The following TRIM66 variants were observed in gnomAD, a reference collection of about 807,000 sequenced individuals.
The protein encoded by TRIM66 is tripartite motif-containing protein 66.
A neutral mutation model predicts 148.2 loss-of-function variants in TRIM66; 99 were observed. The ratio of observed to expected loss-of-function variants is 0.67; its 90% confidence interval spans 0.57 to 0.79. TRIM66 has a LOEUF of 0.79. Ranked by LOEUF, TRIM66 falls within the 30% of genes least tolerant of loss-of-function variation. The pLI is 0.00. For synonymous variants in TRIM66, 616 were observed against 635.9 expected (o/e 0.97, Z 0.47); for missense variants, 1,666 against 1,697.9 (o/e 0.98, Z 0.33).
chr11:8,654,420 T>G (rs186703261), intron 6 of TRIM66: 89 of 152,364 alleles, frequency 5.8e-4, no homozygotes, highest in African/African-American at 2.1e-3. Context: ...AAACTCCTAT[T>G]CATCCTTTCA....
At chr11:8,682,842 C>G (rs957798008), upstream of TRIM66, 2 of 1,608,852 alleles carry the variant, frequency 1.2e-6, no homozygotes, top group South Asian at 1.1e-5. Flanking sequence ...CTTGCCTCCT[C>G]TTCCTTGCCG....
At position 8,680,080 on chromosome 11, in the gene TRIM66, T is replaced by C. The variant is rs1002590570; in HGVS notation, c.-547-17A>G. ...TGAAGTGTTCTGGGAAGAAGCAGAA[T>C]ATAAAGTTGGCCTTAAAGGTTGAGG... On this transcript the variant is annotated splice_polypyrimidine_tract_variant and intron_variant, in intron 1 of 24. Transcript: ENST00000646038. The C allele has an allele frequency of 6.6e-6, 1 of 152,344 alleles. No homozygotes were observed. Among genetic ancestry groups the C allele is most frequent in the Non-Finnish European group, 1.5e-5 (1 of 68,062 alleles). 9.4% of individuals were successfully genotyped at this position (152,344 alleles called of 1,614,324 possible). A position where few individuals can be genotyped will look rare whatever the true frequency, so the allele number is the denominator to read the frequency against.
In TRIM66 at chr11:8,672,171, C is replaced by T; in HGVS notation, c.28-73G>A. ...AAAAATCTTAGGCCAGAGGGGCCTT[C>T]GAGAACAAGGCCTCAAAAGTCCAGG... On this transcript the variant is annotated intron_variant, in intron 5 of 24. Transcript: ENST00000646038. The T allele has an allele frequency of 3.3e-6, 5 of 1,531,864 alleles. No homozygotes were observed. In the South Asian group the frequency reaches 4.8e-5, roughly 15 times the overall value. 94.9% of individuals were successfully genotyped at this position (1,531,864 alleles called of 1,614,324 possible).
intron 10 of TRIM66, among the ~76,000 whole-genome samples, chr11:8,647,153 G>T (rs1465153441): frequency 6.6e-6 from 1 of 150,870 alleles, no homozygotes; most frequent in Non-Finnish European, 1.5e-5. Context: ...TCTTTTTGGG[G>T]GGATGAAAAT....
chr11:8,677,180 A>G (rs1038260060), intron 3 of TRIM66, among the ~76,000 whole-genome samples: 1 of 152,198 alleles, frequency 6.6e-6, no homozygotes, highest in Non-Finnish European at 1.5e-5. Flanking sequence ...CACTCATTTT[A>G]GGGAGAAAAT....
intron 8 of TRIM66, among the ~76,000 whole-genome samples, chr11:8,649,342 AAAAAAT>A (rs533203211): frequency 3.9e-5 from 6 of 152,192 alleles, no homozygotes; most frequent in Non-Finnish European, 7.4e-5. Context: ...CCATCTCAAA[AAAAAAT>A]AAAAATAAAA....
At chr11:8,678,700 G>A (rs2039292006) in intron 3 of TRIM66, among the ~76,000 whole-genome samples, 1 of 152,164 alleles carries the variant, frequency 6.6e-6, no homozygotes, top group Admixed American at 6.5e-5. Context: ...ACTTAAAAAA[G>A]AAAACGAACA....
At position 8,643,129 on chromosome 11, in the gene TRIM66, GACAACAGC is replaced by G; in HGVS notation, c.1105-11_1105-4del. 1 of 1,549,990 alleles carries G rather than the reference GACAACAGC, an allele frequency of 6.5e-7. No individual in the cohort carries two copies. The highest frequency in any genetic ancestry group is 1.2e-5 in the South Asian group (1 of 83,848). On this transcript the variant is annotated splice_region_variant and splice_polypyrimidine_tract_variant and intron_variant, in intron 12 of 24. Transcript: ENST00000646038. ...AATCGCTGCATCTGAAACACAATCT[GACAACAGC>G]ACCAAAGGTCATTTATTTGGGCATC...
At chr11:8,668,743 GC>G (rs1565571229) in intron 6 of TRIM66, among the ~76,000 whole-genome samples, 1 of 151,944 alleles carries the variant, frequency 6.6e-6, no homozygotes, top group Non-Finnish European at 1.5e-5. Context: ...ACGCTGCCAC[GC>G]CCAGCCAACT....
chr11:8,618,029 T>G, intron 24 of TRIM66, 26 bp from the exon 25 acceptor site: 1 of 1,543,120 alleles, frequency 6.5e-7, no homozygotes, highest in Non-Finnish European at 8.8e-7. Context: ...ATATTTGGAA[T>G]TAAAATAGCC....
chr11:8,646,540 CT>C lies in TRIM66; in HGVS notation c.863del (p.Gln288ArgfsTer16). 1 of 1,551,876 alleles carries C rather than the reference CT, an allele frequency of 6.4e-7. No homozygotes were observed. The highest frequency in any genetic ancestry group is 8.7e-7 in the Non-Finnish European group (1 of 1,147,022). Reference sequence around the variant, plus strand: ...TGATCTGGTTTTCCACCTTCCTATGCTGATGCTTCACTTCAAAAATCCTGTA... The same window carrying C: ...TGATCTGGTTTTCCACCTTCCTATGCGATGCTTCACTTCAAAAATCCTGTA... Reference protein sequence around the residue: ...IEDRIFEVKHQHRKVENQIKM... With the variant: ...IEDRIFEVKHXHRKVENQIKM... On this transcript the variant is annotated frameshift_variant, in exon 11 of 25. Coordinates refer to ENST00000646038, the MANE Select transcript of TRIM66 (RefSeq NM_001388022.1). LOFTEE classifies it high-confidence loss of function.
Position 8,624,961 on chromosome 11 carries a change from G to C in TRIM66, c.2578C>G (p.Pro860Ala). The C allele has an allele frequency of 6.4e-7, 1 of 1,551,764 alleles. No individual in the cohort carries two copies. Among genetic ancestry groups the C allele is most frequent in the Non-Finnish European group, 8.7e-7 (1 of 1,147,012 alleles). The change falls in exon 16 of 25, where the codon CCC (proline) becomes GCC (alanine). Residue 860 changes from proline (P) to alanine (A), a missense_variant. Coordinates refer to ENST00000646038, the MANE Select transcript of TRIM66 (RefSeq NM_001388022.1). ...SLVHSTFQSMPNLISDSPQAM... is the reference protein window; with the variant it reads ...SLVHSTFQSMANLISDSPQAM... ...TGAGGGGAGTCACTTATCAGGTTGG[G>C]CATGGACTGGAATGTGCTATGCACA...
chr11:8,671,314 C>T (rs747591270), intron 6 of TRIM66, among the ~76,000 whole-genome samples: 6 of 152,200 alleles, frequency 3.9e-5, no homozygotes, highest in African/African-American at 1.4e-4. Context: ...CCAGTGAGAC[C>T]GTTTCCTAGG....
In TRIM66 at chr11:8,619,553, G is replaced by C. The variant is rs1591996362; in HGVS notation, c.3748-18C>G. Reference sequence around the variant, plus strand: ...TGCCGGGCCTTGGGGGAGGAGACATGAGGAGAAGGAGGCAAAGGGAGTGAG... The same window carrying C: ...TGCCGGGCCTTGGGGGAGGAGACATCAGGAGAAGGAGGCAAAGGGAGTGAG... On this transcript the variant is annotated intron_variant, in intron 22 of 24. Transcript: ENST00000646038. The C allele has an allele frequency of 6.6e-7, 1 of 1,516,638 alleles. No individual in the cohort carries two copies. Among genetic ancestry groups the C allele is most frequent in the Admixed American group, 2.3e-5 (1 of 44,434 alleles). 93.9% of individuals were successfully genotyped at this position (1,516,638 alleles called of 1,614,324 possible). A position where few individuals can be genotyped will look rare whatever the true frequency, so the allele number is the denominator to read the frequency against.
chr11:8,646,037 T>C, intron 11 of TRIM66, 150 bp from the exon 12 acceptor site: 2 of 719,156 alleles, frequency 2.8e-6, no homozygotes, highest in Non-Finnish European at 4.5e-6. Flanking sequence ...TGCCATGGGA[T>C]GCTGGCTGAT....
At position 8,650,564 on chromosome 11, in the gene TRIM66, C is replaced by T. The variant is rs116291856; in HGVS notation, c.445-677G>A. The stretch of plus-strand genomic sequence containing the variant: ...AGGGGCTGTTCACACAAGTCCTGTG[C>T]TGAAGCTAAGGACACCCAGATGCGT... On this transcript the variant is annotated intron_variant, in intron 7 of 24. Transcript: ENST00000646038. 8.5e-3 allele frequency among the ~76,000 whole-genome samples: 1,295 copies of T among 152,152 alleles called. 27 individuals are homozygous for T. The highest frequency in any genetic ancestry group is 0.03 in the African/African-American group (1,245 of 41,484).
At chr11:8,620,194 A>T (rs755517053) in intron 21 of TRIM66, 70 bp from the exon 22 acceptor site, 38 of 1,428,002 alleles carry the variant, frequency 2.7e-5, no homozygotes, top group Non-Finnish European at 3.5e-5. Flanking sequence ...AAAGATGTTG[A>T]CCCTGATAAC....
In TRIM66 at chr11:8,672,974, C is replaced by G. The variant is rs182554306; in HGVS notation, c.-111-589G>C. On this transcript the variant is annotated intron_variant, in intron 4 of 24. Coordinates refer to ENST00000646038, the MANE Select transcript of TRIM66 (RefSeq NM_001388022.1). Reference sequence around the variant, plus strand: ...TTTTTTTTTAAGATGGAGTCTTGCTCTGTTGCCCAGGCTGGAGTGCAGTGG... The same window carrying G: ...TTTTTTTTTAAGATGGAGTCTTGCTGTGTTGCCCAGGCTGGAGTGCAGTGG... 4.2e-3 allele frequency among the ~76,000 whole-genome samples: 544 copies of G among 131,056 alleles called. 2 individuals carry two copies. The highest frequency in any genetic ancestry group is 0.022 in the Middle Eastern group (4 of 178). The allele number at this position is 131,056 out of a possible 152,430, so 86.0% of individuals were successfully genotyped here. A position where few individuals can be genotyped will look rare whatever the true frequency, so the allele number is the denominator to read the frequency against.
Position 8,615,203 on chromosome 11 carries a change from A to C in TRIM66, c.*2741T>G, listed in dbSNP as rs891830964. ...CTCAGCCTCCCAAAGTGCTGGGATT[A>C]CAGGCGTGAGCCACCGCGCCCAGCC... On this transcript the variant is annotated 3_prime_UTR_variant, in exon 25 of 25. Coordinates refer to ENST00000646038, the MANE Select transcript of TRIM66 (RefSeq NM_001388022.1). 2 of 152,238 alleles carry C rather than the reference A, an allele frequency of 1.3e-5. No individual in the cohort carries two copies. The highest frequency in any genetic ancestry group is 4.8e-5 in the African/African-American group (2 of 41,450). The allele number at this position is 152,238 out of a possible 1,614,324, so 9.4% of individuals were successfully genotyped here.
Sources: allele counts gnomAD v4.1 joint callset (sites outside exome capture counted in the v4.1 genomes callset), GRCh38; gene constraint gnomAD v4.1.1; transcripts MANE v1.5; gene names NCBI Gene and HGNC (gene_info 2026-07-23, HGNC 2026-07-21).